The following TRIM37 variants were observed in gnomAD, a reference collection of about 807,000 sequenced individuals.
TRIM37 encodes the protein E3 ubiquitin-protein ligase TRIM37.
TRIM37 carries 80 observed loss-of-function variants against 129.8 expected under a neutral mutation model. That is an observed-to-expected ratio of 0.62 (90% CI 0.51 to 0.74). TRIM37 has a LOEUF of 0.74. Ranked by LOEUF, TRIM37 falls within the 30% of genes least tolerant of loss-of-function variation. TRIM37 has a pLI of 0.00. For missense variants in TRIM37, 1,054 were observed against 1,176.5 expected, an observed-to-expected ratio of 0.90 and a Z score of 1.52; for synonymous variants, 389 against 387.1, an observed-to-expected ratio of 1.00 and a Z score of -0.06.
chr17:59,049,231 C>T lies in TRIM37; in HGVS notation c.1477G>A (p.Glu493Lys), dbSNP rs1214457379. Reference protein sequence around the residue: ...EGGPTTASVREAKEDEEDEEK... With the variant: ...EGGPTTASVRKAKEDEEDEEK... ...TCATCTTCTTCATCCTCTTTGGCCT[C>T]TCTTACAGAAGCTGTAGTAGGACCA... Residue 493 changes from glutamate to lysine, a missense_variant, in exon 15 of 24, where the codon GAG becomes AAG. Around this residue, in one of 3 missense-constraint regions of TRIM37, gnomAD observed 752 missense variants for 870.8 expected, o/e 0.86. Transcript: ENST00000262294. 4 of 1,614,096 alleles carry T rather than the reference C, an allele frequency of 2.5e-6. No individual in the cohort carries two copies. Among genetic ancestry groups the T allele is most frequent in the Non-Finnish European group, 3.4e-6 (4 of 1,180,036 alleles).
At chr17:59,101,691 T>TACAC (rs2045512880) in intron 2 of TRIM37, among the ~76,000 whole-genome samples, 1 of 131,092 alleles carries the variant, frequency 7.6e-6, no homozygotes, top group African/African-American at 2.9e-5. Flanking sequence ...TATATATATA[T>TACAC]ATATACACAC....
intron 22 of TRIM37, among the ~76,000 whole-genome samples, chr17:59,009,993 G>T (rs1266001188): frequency 1.3e-5 from 2 of 152,108 alleles, no homozygotes; most frequent in African/African-American, 4.8e-5. Flanking sequence ...TATTACAACT[G>T]GCTATTAGTC....
chr17:59,000,199 T>A (rs1823433147), intron 23 of TRIM37, among the ~76,000 whole-genome samples: 1 of 152,222 alleles, frequency 6.6e-6, no homozygotes, highest in Admixed American at 6.5e-5. Context: ...TTATGGTATA[T>A]CCACATGATA....
chr17:59,022,997 A>G (rs1328374944), intron 19 of TRIM37, among the ~76,000 whole-genome samples: 1 of 152,168 alleles, frequency 6.6e-6, no homozygotes, highest in African/African-American at 2.4e-5. Context: ...TTTCAACCAG[A>G]GAAAGATTGA....
intron 13 of TRIM37, among the ~76,000 whole-genome samples, chr17:59,051,657 T>C (rs1434884803): frequency 5.3e-5 from 8 of 152,180 alleles, no homozygotes; most frequent in African/African-American, 9.7e-5. Flanking sequence ...AGCCATATAC[T>C]ATGCAGTTTC....
At position 59,067,092 on chromosome 17, in the gene TRIM37, T is replaced by G. The variant is rs186484563; in HGVS notation, c.810-2687A>C. Among the ~76,000 whole-genome samples, 689 of 152,270 alleles carry G rather than the reference T, an allele frequency of 4.5e-3. 3 individuals carry two copies. The highest frequency in any genetic ancestry group is 0.016 in the African/African-American group (653 of 41,570). On this transcript the variant is annotated intron_variant, in intron 9 of 23. Coordinates refer to ENST00000262294, the MANE Select transcript of TRIM37 (RefSeq NM_015294.6). ...TCTCGCTCTGTCACACAGGCTGGAG[T>G]GCAGTGGCGCGATCTCGGCTCACTG...
At chr17:59,092,208 C>T (rs1022444752) in intron 2 of TRIM37, among the ~76,000 whole-genome samples, 1 of 152,038 alleles carries the variant, frequency 6.6e-6, no homozygotes, top group African/African-American at 2.4e-5. Flanking sequence ...GCCTGGCCAA[C>T]ATGGTGAAAC....
In TRIM37 at chr17:58,983,961, T is replaced by C. The variant is rs1365214606; in HGVS notation, c.2892-1040A>G. 2.0e-5 allele frequency: 3 copies of C among 152,660 alleles called. No homozygotes were observed. In the East Asian group the frequency reaches 5.8e-4, roughly 29 times the overall value. The allele number at this position is 152,660 out of a possible 1,614,324, so 9.5% of individuals were successfully genotyped here. On this transcript the variant is annotated intron_variant, in intron 24 of 24. Coordinates refer to the TRIM37 transcript ENST00000393066. ...TCAGTCCCTAATTTACAGGTTTCCTTTGTTCACTTTCTAGATGTGTACTTT... is the reference window on the plus strand; with the variant it reads ...TCAGTCCCTAATTTACAGGTTTCCTCTGTTCACTTTCTAGATGTGTACTTT...
chr17:59,020,154 C>T (rs1398790475), intron 19 of TRIM37, among the ~76,000 whole-genome samples: 4 of 138,302 alleles, frequency 2.9e-5, no homozygotes, highest in Non-Finnish European at 6.0e-5. Flanking sequence ...GTGCTTGAGC[C>T]CAAGAGACGG....
chr17:59,064,322 T>C lies in TRIM37; in HGVS notation c.860+33A>G, dbSNP rs764491877. The C allele has an allele frequency of 5.2e-6, 8 of 1,552,796 alleles. No individual in the cohort carries two copies. The South Asian group carries it at 8.2e-5, about 16-fold the overall frequency. Reference sequence around the variant, plus strand: ...TTTCTGGCTCTTCCTTATATACACATACAAAAAAACCAGAATTGTCAAAAA... The same window carrying C: ...TTTCTGGCTCTTCCTTATATACACACACAAAAAAACCAGAATTGTCAAAAA... On this transcript the variant is annotated intron_variant, in intron 10 of 23. Coordinates refer to ENST00000262294, the MANE Select transcript of TRIM37 (RefSeq NM_015294.6).
chr17:59,021,168 G>A (rs2036557772), intron 19 of TRIM37, among the ~76,000 whole-genome samples: 1 of 152,168 alleles, frequency 6.6e-6, no homozygotes. Flanking sequence ...GACTCAAGTG[G>A]ATCATTTGAG....
chr17:58,984,290 C>T (rs1390755171), intron 24 of TRIM37: 1 of 152,622 alleles, frequency 6.6e-6, no homozygotes, highest in East Asian at 1.9e-4. Context: ...CCACACTCCA[C>T]TGTTGAAACA....
At chr17:59,068,249 G>A (rs1441899301) in intron 9 of TRIM37, among the ~76,000 whole-genome samples, 2 of 152,154 alleles carry the variant, frequency 1.3e-5, no homozygotes, top group African/African-American at 2.4e-5. Context: ...GTATAAGAAT[G>A]GGAATTTACA....
chr17:59,028,355 C>T lies in TRIM37; in HGVS notation c.2257+60G>A, dbSNP rs1036393659. Reference sequence around the variant, plus strand: ...TTTAAATATTATTCTTTTGAAAAAACCAGTCATCTAGTTTCCCAAATAACG... The same window carrying T: ...TTTAAATATTATTCTTTTGAAAAAATCAGTCATCTAGTTTCCCAAATAACG... On this transcript the variant is annotated intron_variant, in intron 19 of 23. Transcript: ENST00000262294. 1.7e-5 allele frequency: 25 copies of T among 1,509,406 alleles called. No individual in the cohort carries two copies. The African/African-American group carries it at 3.2e-4, about 19-fold the overall frequency. The allele number at this position is 1,509,406 out of a possible 1,614,324, so 93.5% of individuals were successfully genotyped here. A position where few individuals can be genotyped will look rare whatever the true frequency, so the allele number is the denominator to read the frequency against.
chr17:59,043,819 T>TA (rs1466989712), intron 16 of TRIM37, among the ~76,000 whole-genome samples: 2 of 152,174 alleles, frequency 1.3e-5, no homozygotes, highest in Non-Finnish European at 2.9e-5. Flanking sequence ...GTAAGAGAGG[T>TA]ACACCTTTAT....
In TRIM37 at chr17:59,051,195, G is replaced by C; in HGVS notation, c.1314+19C>G. ...AAGGACAATAGGAAACACCAAAACA[G>C]AAATAGATATTTTCTTACCTCTTTA... On this transcript the variant is annotated intron_variant, in intron 14 of 23. Coordinates refer to ENST00000262294, the MANE Select transcript of TRIM37 (RefSeq NM_015294.6). 1 of 1,504,438 alleles carries C rather than the reference G, an allele frequency of 6.6e-7. No homozygotes were observed. Among genetic ancestry groups the C allele is most frequent in the Admixed American group, 1.7e-5 (1 of 59,740 alleles). The allele number at this position is 1,504,438 out of a possible 1,614,324, so 93.2% of individuals were successfully genotyped here. A position where few individuals can be genotyped will look rare whatever the true frequency, so the allele number is the denominator to read the frequency against.
At chr17:59,029,717 T>C (rs1282830272) in intron 18 of TRIM37, among the ~76,000 whole-genome samples, 1 of 152,202 alleles carries the variant, frequency 6.6e-6, no homozygotes, top group African/African-American at 2.4e-5. Flanking sequence ...CTGGCCAACA[T>C]GGTGAAACCT....
At chr17:59,100,390 C>T (rs2045346110) in intron 2 of TRIM37, among the ~76,000 whole-genome samples, 1 of 152,038 alleles carries the variant, frequency 6.6e-6, no homozygotes, top group Admixed American at 6.6e-5. Context: ...GTGGTAAATA[C>T]ATACAATGGA....
the TRIM37 span, chr17:58,972,010 G>C: frequency 1.1e-6 from 1 of 913,470 alleles, no homozygotes; most frequent in East Asian, 2.7e-5. Flanking sequence ...TTATATATGT[G>C]TGAAATTCCA....
Sources: gnomAD v4.1 joint callset for allele counts (sites outside exome capture counted in the v4.1 genomes callset) on GRCh38, gnomAD v4.1.1 for gene constraint, gnomAD v4.1.1 regional missense constraint, MANE v1.5 for transcripts, NCBI Gene and HGNC (gene_info 2026-07-23, HGNC 2026-07-21) for gene names.